The following FBXO38 variants were observed in gnomAD, a reference collection of about 807,000 sequenced individuals.
FBXO38 encodes F-box protein 38.
A neutral mutation model predicts 131.9 loss-of-function variants in FBXO38; 53 were observed. That is an observed-to-expected ratio of 0.40 (90% CI 0.32 to 0.51). FBXO38 has a LOEUF of 0.51. Ranked by LOEUF, FBXO38 falls within the 20% of genes least tolerant of loss-of-function variation. The pLI is 0.53. For synonymous variants in FBXO38, 452 were observed against 505.6 expected, an observed-to-expected ratio of 0.89 and a Z score of 1.42; for missense variants, 1,076 against 1,475.6, an observed-to-expected ratio of 0.73 and a Z score of 4.44.
intron 1 of FBXO38, among the ~76,000 whole-genome samples, chr5:148,392,127 A>G (rs1758227116): frequency 6.6e-6 from 1 of 152,148 alleles, no homozygotes; most frequent in Admixed American, 6.5e-5. Context: ...TGGCAGGCAT[A>G]GTGTCTGCTA....
At position 148,404,698 on chromosome 5, in the gene FBXO38, T is replaced by C; in HGVS notation, c.606T>C (p.Pro202=). 6.3e-7 allele frequency: 1 copy of C among 1,580,008 alleles called. No individual in the cohort carries two copies. Among genetic ancestry groups the C allele is most frequent in the Admixed American group, 1.9e-5 (1 of 52,752 alleles). Residue 202 remains proline, a synonymous_variant, in exon 6 of 22, where the codon CCT becomes CCC. Coordinates refer to ENST00000340253, the MANE Select transcript of FBXO38 (RefSeq NM_205836.3). ...QTLHLVGVNV[P]EIPCIPMLRH... Reference sequence around the variant, plus strand: ...TTTGTGTTTTAGGGGTGAATGTTCCTGAAATTCCTTGTATCCCAATGCTAA... The same window carrying C: ...TTTGTGTTTTAGGGGTGAATGTTCCCGAAATTCCTTGTATCCCAATGCTAA...
intron 13 of FBXO38, 116 bp from the exon 14 acceptor site, chr5:148,425,406 G>T: frequency 1.4e-6 from 1 of 714,150 alleles, no homozygotes; most frequent in South Asian, 2.0e-5. Context: ...TGTGCCAGGG[G>T]AGGCTGTATA....
chr5:148,424,420 G>T (rs1436454575), intron 13 of FBXO38, among the ~76,000 whole-genome samples: 1 of 152,208 alleles, frequency 6.6e-6, no homozygotes, highest in Non-Finnish European at 1.5e-5. Flanking sequence ...GAAAATAAAT[G>T]ACCTGATTAA....
intron 17 of FBXO38, among the ~76,000 whole-genome samples, chr5:148,435,429 T>C (rs1477854680): frequency 6.6e-6 from 1 of 152,246 alleles, no homozygotes; most frequent in Non-Finnish European, 1.5e-5. Context: ...ATCTCAGCTT[T>C]CAACGTGACT....
At chr5:148,413,990 A>G (rs562735769) in intron 9 of FBXO38, 146 bp from the exon 10 acceptor site, 7 of 619,094 alleles carry the variant, frequency 1.1e-5, no homozygotes, top group African/African-American at 9.5e-5. Context: ...ACCTAACCTA[A>G]AATTATACCT....
In FBXO38 at chr5:148,440,520, T is replaced by G; in HGVS notation, c.3267T>G (p.Thr1089=). The G allele has an allele frequency of 3.2e-6, 5 of 1,579,434 alleles. No individual in the cohort carries two copies. The highest frequency in any genetic ancestry group is 4.3e-6 in the Non-Finnish European group (5 of 1,149,718). Residue 1089 remains threonine, a synonymous_variant, in exon 20 of 22, where the codon ACT becomes ACG. Transcript: ENST00000340253. ...PKYPWGREIY[T]LEGVVDGAPY... ...ACCCCTGGGGGAGAGAAATCTATAC[T>G]TTAGAAGGTGAGTATTTACAAATGT...
At chr5:148,391,029 T>G (rs1487454254) in intron 1 of FBXO38, among the ~76,000 whole-genome samples, 1 of 152,206 alleles carries the variant, frequency 6.6e-6, no homozygotes, top group Non-Finnish European at 1.5e-5. Context: ...TCTGAGCATC[T>G]AGGTAATTTG....
At chr5:148,426,068 A>G (rs1753698884) in intron 14 of FBXO38, among the ~76,000 whole-genome samples, 1 of 152,204 alleles carries the variant, frequency 6.6e-6, no homozygotes. Context: ...TAATCTGTCC[A>G]GTTGTGCTTA....
intron 5 of FBXO38, among the ~76,000 whole-genome samples, chr5:148,404,317 C>T (rs1339190598): frequency 1.3e-5 from 2 of 152,172 alleles, no homozygotes; most frequent in Non-Finnish European, 2.9e-5. Flanking sequence ...TGTGTTCCAT[C>T]TCCATCGTTA....
At chr5:148,387,899 C>T (rs548976794) in intron 1 of FBXO38, among the ~76,000 whole-genome samples, 4 of 152,100 alleles carry the variant, frequency 2.6e-5, no homozygotes, top group Admixed American at 2.6e-4. Context: ...ACTATGTTGG[C>T]CAGACTGGTC....
chr5:148,390,315 T>C (rs748158570), intron 1 of FBXO38, among the ~76,000 whole-genome samples: 1 of 152,186 alleles, frequency 6.6e-6, no homozygotes, highest in Non-Finnish European at 1.5e-5. Flanking sequence ...AGACATCTAC[T>C]TGGACTTGAG....
At chr5:148,404,390 G>A (rs1752324230) in intron 5 of FBXO38, among the ~76,000 whole-genome samples, 2 of 152,160 alleles carry the variant, frequency 1.3e-5, no homozygotes, top group Non-Finnish European at 2.9e-5. Context: ...TCCTAGAAGA[G>A]TTGTAAGATT....
rs2113589792 is a variant in FBXO38, at chr5:148,417,194, T to C, written c.1608T>C (p.Phe536=). 1 of 1,610,050 alleles carries C rather than the reference T, an allele frequency of 6.2e-7. No homozygotes were observed. The highest frequency in any genetic ancestry group is 8.5e-7 in the Non-Finnish European group (1 of 1,176,376). The stretch of plus-strand genomic sequence containing the variant: ...ATCTGCAGCCAGGAGAGCAGCAGTT[T>C]GCAGCTGACGGTAACCCAGATCTTT... ...RQDLQPGEQQ[F]AADALNEMED... is the part of the protein sequence containing the mutation. The change falls in exon 12 of 22, where the codon TTT becomes TTC. Residue 536 remains phenylalanine (F), a synonymous_variant. Coordinates refer to ENST00000340253, the MANE Select transcript of FBXO38 (RefSeq NM_205836.3).
intron 15 of FBXO38, chr5:148,430,158 A>ATTAT (rs1282203265): frequency 8.3e-6 from 1 of 120,560 alleles, no homozygotes; most frequent in African/African-American, 3.7e-5. Context: ...TATTATTATT[A>ATTAT]TTTTTTTTTT....
chr5:148,397,841 A>T (rs1038743239), intron 2 of FBXO38, among the ~76,000 whole-genome samples: 2 of 152,236 alleles, frequency 1.3e-5, no homozygotes, highest in Admixed American at 6.5e-5. Flanking sequence ...ATGGAGTAAT[A>T]ATAGTGTATA....
chr5:148,394,979 G>T, intron 2 of FBXO38, 75 bp downstream of exon 2: 2 of 1,335,238 alleles, frequency 1.5e-6, no homozygotes, highest in Non-Finnish European at 9.9e-7. Flanking sequence ...GTCTAATGTG[G>T]TAGCTACCAG....
At chr5:148,418,045 A>C (rs1201194863) in intron 12 of FBXO38, among the ~76,000 whole-genome samples, 1 of 152,176 alleles carries the variant, frequency 6.6e-6, no homozygotes, top group Non-Finnish European at 1.5e-5. Flanking sequence ...CAAAAGAATC[A>C]TCTGTAGGCA....
chr5:148,433,679 C>A lies in FBXO38; in HGVS notation c.2799C>A (p.Thr933=). 1 of 1,611,414 alleles carries A rather than the reference C, an allele frequency of 6.2e-7. No individual in the cohort carries two copies. Among genetic ancestry groups the A allele is most frequent in the Non-Finnish European group, 8.5e-7 (1 of 1,178,846 alleles). The change falls in exon 17 of 22, where the codon ACC becomes ACA. Residue 933 remains threonine (T), a synonymous_variant. Transcript: ENST00000340253. ...KSKNLVGVTM[T]NCGITDLVLK... is the part of the protein sequence containing the mutation. ...AGAATCTTGTTGGAGTCACTATGAC[C>A]AATTGTGGAATCACAGATCTAGTGC...
intron 10 of FBXO38, among the ~76,000 whole-genome samples, chr5:148,415,045 G>A (rs1752972324): frequency 6.6e-6 from 1 of 152,018 alleles, no homozygotes; most frequent in African/African-American, 2.4e-5. Flanking sequence ...GCCTATTTTA[G>A]GGCTCTGGGA....
Sources: allele counts gnomAD v4.1 joint callset (sites outside exome capture counted in the v4.1 genomes callset), GRCh38; gene constraint gnomAD v4.1.1; transcripts MANE v1.5; gene names NCBI Gene and HGNC (gene_info 2026-07-23, HGNC 2026-07-21).